Variants in TCEA3 observed in about 807,000 individuals in gnomAD.
The protein encoded by TCEA3 is transcription elongation factor A3, also known as transcription elongation factor A protein 3.
A neutral mutation model predicts 44.0 loss-of-function variants in TCEA3; 36 were observed. The observed-to-expected ratio is 0.82, with a 90% confidence interval of 0.63 to 1.08. The LOEUF is 1.08. Ranked by LOEUF, TCEA3 falls within the 50% of genes least tolerant of loss-of-function variation. The probability of loss-of-function intolerance (pLI) is 0.00; values close to 1 mark genes in which losing one functional copy is unlikely to be tolerated. For synonymous variants in TCEA3, 162 were observed against 159.7 expected (o/e 1.01, Z -0.11); for missense variants, 392 against 441.2 (o/e 0.89, Z 1.00).
chr1:23,406,232 A>G (rs1639541773), intron 5 of TCEA3, among the ~76,000 whole-genome samples: 1 of 152,184 alleles, frequency 6.6e-6, no homozygotes, highest in South Asian at 2.1e-4. Context: ...GAGGTGTGCA[A>G]TACAGCCTAG....
intron 10 of TCEA3, among the ~76,000 whole-genome samples, chr1:23,382,644 A>G (rs1638699073): frequency 6.6e-6 from 1 of 152,234 alleles, no homozygotes; most frequent in Non-Finnish European, 1.5e-5. Context: ...AAGATGCCAT[A>G]TGAGCTCTCA....
intron 4 of TCEA3, among the ~76,000 whole-genome samples, chr1:23,410,122 C>T (rs1639668273): frequency 6.6e-6 from 1 of 152,008 alleles, no homozygotes; most frequent in Non-Finnish European, 1.5e-5. Flanking sequence ...CTCCACCAGA[C>T]ACATGGGAGA....
At chr1:23,387,203 C>G (rs1190631342) in intron 9 of TCEA3, 70 bp downstream of exon 9, 1 of 1,567,400 alleles carries the variant, frequency 6.4e-7, no homozygotes, top group African/African-American at 1.4e-5. Context: ...CCCTAAGCTT[C>G]TCTCTGATTT....
intron 3 of TCEA3, 69 bp downstream of exon 3, chr1:23,417,835 A>G: frequency 7.0e-7 from 1 of 1,424,894 alleles, no homozygotes. Context: ...GCTGGCTATG[A>G]GCCAGGCCCA....
At chr1:23,402,669 A>AGC (rs1639433193) in intron 5 of TCEA3, among the ~76,000 whole-genome samples, 1 of 152,202 alleles carries the variant, frequency 6.6e-6, no homozygotes, top group Admixed American at 6.5e-5. Context: ...TCGCTTTTAC[A>AGC]GCACTTATCC....
Position 23,417,941 on chromosome 1 carries a change from C to T in TCEA3, c.201G>A (p.Leu67=). ...KHCSDKEVVS[L]AKVLIKNWKR... is the part of the protein sequence containing the mutation. ...TCCAGTTTTTGATAAGGACTTTGGC[C>T]AAGGACACCACCTCCTTGTCTGAGC... is the stretch of plus-strand genomic sequence containing the variant. The change falls in exon 3 of 11, where the codon TTG becomes TTA. Residue 67 remains leucine, a synonymous_variant. Transcript: ENST00000450454. 1 of 1,614,080 alleles carries T rather than the reference C, an allele frequency of 6.2e-7. No homozygotes were observed.
intron 9 of TCEA3, among the ~76,000 whole-genome samples, chr1:23,385,197 T>A (rs1051265194): frequency 6.6e-6 from 1 of 152,170 alleles, no homozygotes; most frequent in East Asian, 1.9e-4. Context: ...AGGCTGTCCT[T>A]GGCTGGCCAC....
chr1:23,413,737 C>T (rs1185566069), intron 4 of TCEA3, among the ~76,000 whole-genome samples: 1 of 152,030 alleles, frequency 6.6e-6, no homozygotes, highest in Non-Finnish European at 1.5e-5. Context: ...CCTGGCCTGG[C>T]CTGTATGTTC....
rs142557879 is a variant in TCEA3, at chr1:23,414,851, C to T, written c.380+2398G>A. On this transcript the variant is annotated intron_variant, in intron 4 of 10. Coordinates refer to ENST00000450454, the MANE Select transcript of TCEA3 (RefSeq NM_003196.3). ...ACATTTTATTTTTAAGAAGAAAGAACGGAGAAAATGATGTCTGTGTTTCAG... is the reference window on the plus strand; with the variant it reads ...ACATTTTATTTTTAAGAAGAAAGAATGGAGAAAATGATGTCTGTGTTTCAG... Among the ~76,000 whole-genome samples, 680 of 151,922 alleles carry T rather than the reference C, an allele frequency of 4.5e-3. 8 individuals are homozygous for T. The highest frequency in any genetic ancestry group is 0.015 in the African/African-American group (622 of 41,422).
rs538853652 is a variant in TCEA3 at position 23,386,882 on chromosome 1, T to G, written c.966+391A>C. Among the ~76,000 whole-genome samples the G allele has an allele frequency of 5.9e-5, 9 of 152,314 alleles. No homozygotes were observed. In the South Asian group the frequency reaches 1.9e-3, roughly 32 times the overall value. On this transcript the variant is annotated intron_variant, in intron 9 of 10. Transcript: ENST00000450454. The stretch of plus-strand genomic sequence containing the variant: ...ACTACAGGTGCCCGCCACCACACCC[T>G]GCTAATTTTTTGAATTTTTAGCAGA...
At chr1:23,406,213 GC>G (rs1639540923) in intron 5 of TCEA3, among the ~76,000 whole-genome samples, 1 of 152,176 alleles carries the variant, frequency 6.6e-6, no homozygotes, top group African/African-American at 2.4e-5. Context: ...GGAGCTGGCT[GC>G]CATGTTGGAG....
chr1:23,423,608 C>T (rs1011228125), intron 1 of TCEA3, among the ~76,000 whole-genome samples: 3 of 152,312 alleles, frequency 2.0e-5, no homozygotes, highest in Admixed American at 1.3e-4. Context: ...CACATGGCTA[C>T]GGATGGTGGG....
chr1:23,397,005 C>CAA (rs34931042), intron 7 of TCEA3, among the ~76,000 whole-genome samples: 46 of 67,912 alleles, frequency 6.8e-4, no homozygotes, highest in East Asian at 1.5e-3. Flanking sequence ...AACTCCGTCT[C>CAA]AAAAAAAAAA....
At chr1:23,397,028 G>T (rs1006054240) in intron 7 of TCEA3, among the ~76,000 whole-genome samples, 2 of 145,074 alleles carry the variant, frequency 1.4e-5, no homozygotes, top group Non-Finnish European at 3.0e-5. Context: ...AAAAAAAAAA[G>T]GGCGCTGTTA....
At chr1:23,388,853 A>G (rs1343965589) in intron 8 of TCEA3, among the ~76,000 whole-genome samples, 8 of 151,920 alleles carry the variant, frequency 5.3e-5, no homozygotes, top group Non-Finnish European at 8.8e-5. Context: ...CTGGTTAATT[A>G]TTTTTTGTAT....
rs1274011223 is a variant in TCEA3, at chr1:23,418,159, AC to A, written c.133-151del. On this transcript the variant is annotated intron_variant, in intron 2 of 10. Coordinates refer to ENST00000450454, the MANE Select transcript of TCEA3 (RefSeq NM_003196.3). ...GCCCTGACTCCTGGCTGAGGTCAGA[AC>A]CCCACTACTGTAACTAAGGCCCTGC... The A allele has an allele frequency of 2.0e-5, 14 of 704,776 alleles. No individual in the cohort carries two copies. In the East Asian group the frequency reaches 3.8e-4, roughly 19 times the overall value. 43.7% of individuals were successfully genotyped at this position (704,776 alleles called of 1,614,324 possible).
intron 10 of TCEA3, chr1:23,383,413 T>TTA: frequency 1.1e-6 from 1 of 940,398 alleles, no homozygotes; most frequent in Admixed American, 6.2e-5. Context: ...AAGAATAACA[T>TTA]TATAAAGGAA....
intron 10 of TCEA3, chr1:23,383,798 C>A (rs1284973360): frequency 2.7e-5 from 27 of 985,832 alleles, no homozygotes; most frequent in Non-Finnish European, 3.3e-5. Flanking sequence ...GGCTCCCATG[C>A]GTGAAAACAA....
chr1:23,383,962 G>A, intron 10 of TCEA3: 1 of 1,057,682 alleles, frequency 9.5e-7, no homozygotes, highest in Non-Finnish European at 1.1e-6. Context: ...CTTGGCTGTG[G>A]CCAGGTTCAA....
Sources: gnomAD v4.1 joint callset for allele counts (sites outside exome capture counted in the v4.1 genomes callset) on GRCh38, gnomAD v4.1.1 for gene constraint, MANE v1.5 for transcripts, NCBI Gene and HGNC (gene_info 2026-07-23, HGNC 2026-07-21) for gene names.